Variants in TANGO6 observed in about 807,000 individuals in gnomAD.
The protein encoded by TANGO6 is transport and golgi organization 6 homolog.
TANGO6 carries 90 observed loss-of-function variants against 114.2 expected under a neutral mutation model. That is an observed-to-expected ratio of 0.79 (90% CI 0.66 to 0.94). TANGO6 has a LOEUF of 0.94. Among genes scored for constraint, TANGO6 ranks in the 40% least tolerant of loss-of-function variants. The pLI is 0.00. For synonymous variants in TANGO6, 477 were observed against 509.8 expected (o/e 0.94, Z 0.87); for missense variants, 1,274 against 1,315.3 (o/e 0.97, Z 0.49).
intron 15 of TANGO6, among the ~76,000 whole-genome samples, chr16:69,022,103 G>A (rs1239524603): frequency 1.3e-5 from 2 of 151,744 alleles, no homozygotes; most frequent in Non-Finnish European, 2.9e-5. Flanking sequence ...AGCCAGGATG[G>A]TCTAGATCTC....
intron 14 of TANGO6, among the ~76,000 whole-genome samples, chr16:68,940,921 T>C (rs530483258): frequency 6.6e-6 from 1 of 152,340 alleles, no homozygotes; most frequent in South Asian, 2.1e-4. Context: ...GTCTTGCGGC[T>C]GGGAAGCCAA....
Position 68,843,588 on chromosome 16 carries a change from G to C in TANGO6, c.-30G>C, listed in dbSNP as rs769351891. On this transcript the variant is annotated 5_prime_UTR_variant, in exon 1 of 18. Transcript: ENST00000261778. ...CGGCGCCCTGCCGAGGCGCCTGAGC[G>C]GGTCGCGAGCGTGGTGTTACACTCC... 2 of 1,605,916 alleles carry C rather than the reference G, an allele frequency of 1.2e-6. No individual in the cohort carries two copies.
chr16:68,931,254 A>G (rs1466665753), intron 14 of TANGO6, among the ~76,000 whole-genome samples: 1 of 152,166 alleles, frequency 6.6e-6, no homozygotes, highest in East Asian at 1.9e-4. Context: ...CAAATTACTT[A>G]ATCCCTGTGG....
Position 69,013,318 on chromosome 16 carries a change from C to G in TANGO6, c.2843-9510C>G, listed in dbSNP as rs569542543. ...TTTGGTTATAAAATTGACTTTTGAG[C>G]CATTTTAAAAATATGTACACAGTGG... On this transcript the variant is annotated intron_variant, in intron 15 of 17. Transcript: ENST00000261778. Among the ~76,000 whole-genome samples the G allele has an allele frequency of 5.9e-5, 9 of 151,922 alleles. No homozygotes were observed. The East Asian group carries it at 1.4e-3, about 23-fold the overall frequency.
Position 68,914,079 on chromosome 16 carries a change from C to A in TANGO6, c.1992+4677C>A, listed in dbSNP as rs535267621. On this transcript the variant is annotated intron_variant, in intron 11 of 17. Coordinates refer to ENST00000261778, the MANE Select transcript of TANGO6 (RefSeq NM_024562.2). ...AGAGTCTTGGCAGCAGGTTTAGACG[C>A]CCCCATAGGACTACTGTGAGGATTA... is the stretch of plus-strand genomic sequence containing the variant. 4.6e-5 allele frequency among the ~76,000 whole-genome samples: 7 copies of A among 152,256 alleles called. No homozygotes were observed. In the South Asian group the frequency reaches 1.5e-3, roughly 32 times the overall value.
At chr16:69,001,518 TA>T (rs1567556352) in intron 15 of TANGO6, among the ~76,000 whole-genome samples, 1 of 152,168 alleles carries the variant, frequency 6.6e-6, no homozygotes, top group East Asian at 1.9e-4. Flanking sequence ...ACAACACATA[TA>T]AATACACAGA....
intron 17 of TANGO6, among the ~76,000 whole-genome samples, chr16:69,049,668 G>A (rs1400050907): frequency 4.6e-5 from 7 of 151,948 alleles, no homozygotes; most frequent in Admixed American, 3.3e-4. Context: ...CTGACTTAAA[G>A]TGATCCACCA....
At chr16:68,901,457 C>G (rs1450849862) in intron 8 of TANGO6, among the ~76,000 whole-genome samples, 1 of 152,182 alleles carries the variant, frequency 6.6e-6, no homozygotes, top group African/African-American at 2.4e-5. Flanking sequence ...CATCTGTGAA[C>G]TTGGTTTCAA....
chr16:68,926,038 GTTT>G (rs1193858644), intron 12 of TANGO6, among the ~76,000 whole-genome samples: 1 of 143,828 alleles, frequency 7.0e-6, no homozygotes, highest in African/African-American at 2.5e-5. Context: ...GTCTTGGCTG[GTTT>G]TTTTTTTTAG....
chr16:68,846,386 G>A (rs1232056826), intron 1 of TANGO6: 5 of 210,206 alleles, frequency 2.4e-5, no homozygotes, highest in Non-Finnish European at 4.9e-5. Flanking sequence ...ATGATAGGTT[G>A]TTTTGACTGA....
intron 1 of TANGO6, among the ~76,000 whole-genome samples, chr16:68,848,251 G>T (rs1961847281): frequency 6.6e-6 from 1 of 151,970 alleles, no homozygotes; most frequent in South Asian, 2.1e-4. Flanking sequence ...GGACTACAGG[G>T]ATGTCACTGT....
intron 14 of TANGO6, among the ~76,000 whole-genome samples, chr16:68,951,770 G>A (rs1171641102): frequency 9.9e-5 from 15 of 151,778 alleles, no homozygotes; most frequent in Non-Finnish European, 1.6e-4. Context: ...CCGCCACCAC[G>A]CCCAGCTAAT....
intron 14 of TANGO6, 79 bp downstream of exon 14, chr16:68,930,374 G>A (rs2152197451): frequency 2.4e-6 from 3 of 1,260,554 alleles, no homozygotes; most frequent in Non-Finnish European, 3.4e-6. Context: ...AATCTCTAAA[G>A]TCCTAGGGCC....
intron 16 of TANGO6, among the ~76,000 whole-genome samples, chr16:69,027,845 A>G (rs1959529795): frequency 6.6e-6 from 1 of 150,774 alleles, no homozygotes; most frequent in Non-Finnish European, 1.5e-5. Context: ...CAATGGCGTG[A>G]TCTCGGATCA....
At chr16:68,893,888 A>G (rs1271724493) in intron 7 of TANGO6, among the ~76,000 whole-genome samples, 2 of 151,920 alleles carry the variant, frequency 1.3e-5, no homozygotes, top group Non-Finnish European at 2.9e-5. Context: ...CCCCAACTAG[A>G]AAGAGACTAA....
chr16:69,020,894 ATATG>A (rs1396239113), intron 15 of TANGO6, among the ~76,000 whole-genome samples: 16 of 87,250 alleles, frequency 1.8e-4, no homozygotes, highest in Admixed American at 6.6e-4. Flanking sequence ...CCCCCTTTAT[ATATG>A]TATGTATGTG....
chr16:68,930,184 TA>T, intron 13 of TANGO6, 53 bp from the exon 14 acceptor site: 1 of 1,490,762 alleles, frequency 6.7e-7, no homozygotes, highest in Non-Finnish European at 9.1e-7. Flanking sequence ...GGGAGCCTCT[TA>T]AATCTTCCTT....
intron 16 of TANGO6, chr16:69,035,052 C>T (rs1007971146): frequency 6.6e-6 from 1 of 152,102 alleles, no homozygotes; most frequent in Non-Finnish European, 1.5e-5. Context: ...GTCCAGTCTC[C>T]TTTTAACATG....
rs766714645 is a variant in TANGO6 at position 68,902,573 on chromosome 16, A to G, written c.1667+69A>G. On this transcript the variant is annotated intron_variant, in intron 9 of 17. Transcript: ENST00000261778. The stretch of plus-strand genomic sequence containing the variant: ...GCCCAAAAGGCCATTCAGTGATTCA[A>G]CCACTAAGGGGCGCTGATAGAAAAG... 2.9e-4 allele frequency: 400 copies of G among 1,377,878 alleles called. 1 individual carries two copies. The highest frequency in any genetic ancestry group is 3.8e-4 in the Non-Finnish European group (390 of 1,038,242). 85.4% of individuals were successfully genotyped at this position (1,377,878 alleles called of 1,614,324 possible). A position where few individuals can be genotyped will look rare whatever the true frequency, so the allele number is the denominator to read the frequency against.
Sources: allele counts gnomAD v4.1 joint callset (sites outside exome capture counted in the v4.1 genomes callset), GRCh38; gene constraint gnomAD v4.1.1; transcripts MANE v1.5; gene names NCBI Gene and HGNC (gene_info 2026-07-23, HGNC 2026-07-21).